LAPTM5: variants seen among roughly 807,000 people sequenced by gnomAD.
LAPTM5 encodes the protein lysosomal protein transmembrane 5, also known as lysosomal-associated transmembrane protein 5.
Under a neutral mutation model 30.1 loss-of-function variants are expected in LAPTM5, and 11 were observed. That is an observed-to-expected ratio of 0.37 (90% CI 0.23 to 0.60). The LOEUF is 0.60. LAPTM5 is among the 20% of genes least tolerant of loss of function. LAPTM5 has a pLI of 0.71. For synonymous variants in LAPTM5, 151 were observed against 137.9 expected (o/e 1.10, Z -0.67); for missense variants, 324 against 332.5 (o/e 0.97, Z 0.20).
At chr1:30,753,422 T>C (rs746437333) in intron 1 of LAPTM5, among the ~76,000 whole-genome samples, 1 of 152,094 alleles carries the variant, frequency 6.6e-6, no homozygotes, top group South Asian at 2.1e-4. Flanking sequence ...GGGCTCAAAG[T>C]CACCAGCAAC....
chr1:30,754,544 A>AAAAAC (rs1163001488), intron 1 of LAPTM5, among the ~76,000 whole-genome samples: 1 of 152,306 alleles, frequency 6.6e-6, no homozygotes, highest in African/African-American at 2.4e-5. Flanking sequence ...TCTTAAAAAC[A>AAAAAC]AAAACAAAAC....
chr1:30,753,009 T>C (rs1020453749), intron 1 of LAPTM5, among the ~76,000 whole-genome samples: 1 of 151,890 alleles, frequency 6.6e-6, no homozygotes. Flanking sequence ...GGTTTTGTCC[T>C]GACCTCAAGT....
In LAPTM5 at chr1:30,742,953, G is replaced by A. The variant is rs138681301; in HGVS notation, c.88-404C>T. Among the ~76,000 whole-genome samples the A allele has an allele frequency of 6.2e-4, 94 of 152,244 alleles. 1 individual carries two copies. The highest frequency in any genetic ancestry group is 9.2e-4 in the Admixed American group (14 of 15,298). Reference sequence around the variant, plus strand: ...AAGGTCAGGCTTAAAGAGGTGGGGTGGGGGGTAGAAGCTGAAGGCCCCTCC... The same window carrying A: ...AAGGTCAGGCTTAAAGAGGTGGGGTAGGGGGTAGAAGCTGAAGGCCCCTCC... On this transcript the variant is annotated intron_variant, in intron 1 of 7. Coordinates refer to ENST00000294507, the MANE Select transcript of LAPTM5 (RefSeq NM_006762.3).
Position 30,742,547 on chromosome 1 carries a change from G to A in LAPTM5, c.90C>T (p.Ile30=), listed in dbSNP as rs1222744108. Residue 30 remains isoleucine (I), a splice_region_variant and synonymous_variant, in exon 2 of 8, where the codon ATC becomes ATT. Transcript: ENST00000294507. ...GCTCGATGAACAACAAGACGCTCAT[G>A]ATCTGGAGGCAAAGCAAAGCATCAG... ...ATTALAIYHV[I]MSVLLFIEHS... The A allele has an allele frequency of 1.2e-6, 2 of 1,612,586 alleles. No individual in the cohort carries two copies. Among genetic ancestry groups the A allele is most frequent in the East Asian group, 2.2e-5 (1 of 44,880 alleles).
chr1:30,733,941 G>T, intron 7 of LAPTM5, 24 bp from the exon 8 acceptor site: 1 of 1,605,442 alleles, frequency 6.2e-7, no homozygotes, highest in Non-Finnish European at 8.5e-7. Flanking sequence ...AGAGATGAGG[G>T]CTGAGTATGG....
rs1476344063 is a variant in LAPTM5, at chr1:30,757,656, C to T, written c.87+3G>A. ...CACACACACCCGGGGCCCGCACACT[C>T]ACCACATGGTAGATGGCCAGGGCGG... On this transcript the variant is annotated splice_donor_region_variant and intron_variant, in intron 1 of 7. Transcript: ENST00000294507. 6.2e-7 allele frequency: 1 copy of T among 1,613,382 alleles called. No homozygotes were observed. The highest frequency in any genetic ancestry group is 8.5e-7 in the Non-Finnish European group (1 of 1,179,966).
In LAPTM5 at chr1:30,757,720, C is replaced by T. The variant is rs144278297; in HGVS notation, c.26G>A (p.Arg9His). Residue 9 changes from arginine (R) to histidine (H), a missense_variant, in exon 1 of 8, where the codon CGC becomes CAC. Transcript: ENST00000294507. The stretch of plus-strand genomic sequence containing the variant: ...GACATTGAAGCAGCAGCAGGTCTGG[C>T]GGACAGTGGACAAGCGGGGGTCCAT... The part of the protein sequence containing the change: MDPRLSTV[R>H]QTCCCFNVRI... 632 of 1,613,742 alleles carry T rather than the reference C, an allele frequency of 3.9e-4. 7 individuals carry two copies. The South Asian group carries it at 6.6e-3, about 17-fold the overall frequency.
chr1:30,740,807 G>A (rs571652899), intron 3 of LAPTM5, among the ~76,000 whole-genome samples: 54 of 152,340 alleles, frequency 3.5e-4, no homozygotes, highest in African/African-American at 1.2e-3. Context: ...GACAGAGTGA[G>A]TGTTAGCAAG....
intron 1 of LAPTM5, among the ~76,000 whole-genome samples, chr1:30,749,971 T>C (rs1195733960): frequency 2.0e-5 from 3 of 151,928 alleles, no homozygotes; most frequent in Admixed American, 2.0e-4. Context: ...ATGCAGGAGA[T>C]GTGACGGCTC....
intron 1 of LAPTM5, among the ~76,000 whole-genome samples, chr1:30,753,152 C>T (rs188056508): frequency 6.6e-6 from 1 of 151,778 alleles, no homozygotes; most frequent in Admixed American, 6.6e-5. Context: ...TGGATTATAA[C>T]CCAAAGCATA....
In LAPTM5 at chr1:30,739,752, C is replaced by A; in HGVS notation, c.387+57G>T. The A allele has an allele frequency of 6.6e-7, 1 of 1,512,804 alleles. No homozygotes were observed. Among genetic ancestry groups the A allele is most frequent in the Admixed American group, 2.2e-5 (1 of 45,588 alleles). The allele number at this position is 1,512,804 out of a possible 1,614,324, so 93.7% of individuals were successfully genotyped here. On this transcript the variant is annotated intron_variant, in intron 4 of 7. Coordinates refer to ENST00000294507, the MANE Select transcript of LAPTM5 (RefSeq NM_006762.3). This position sits in a 1 kb window ranked among gnomAD's most constrained non-coding sequence, Gnocchi z 4.2. ...GGGCCCGTGTCTGGTCCCCTCCCAT[C>A]TCCCATGCCAGACCTGGGCTCTGCT...
At chr1:30,745,637 A>G (rs946489513) in intron 1 of LAPTM5, among the ~76,000 whole-genome samples, 1 of 152,234 alleles carries the variant, frequency 6.6e-6, no homozygotes, top group Non-Finnish European at 1.5e-5. Context: ...CCACAGTCAC[A>G]GAGCGAGGCA....
At chr1:30,740,996 C>T (rs1639962804) in intron 3 of LAPTM5, among the ~76,000 whole-genome samples, 1 of 152,184 alleles carries the variant, frequency 6.6e-6, no homozygotes, top group Non-Finnish European at 1.5e-5. Flanking sequence ...TTCTGGGGAC[C>T]CAGGGACCGC....
Position 30,739,044 on chromosome 1 carries a change from G to A in LAPTM5, c.406C>T (p.Leu136=). The change falls in exon 5 of 8, where the codon CTG becomes TTG. Residue 136 remains leucine (L), a synonymous_variant. Transcript: ENST00000294507. This position sits in a 1 kb window ranked among gnomAD's most constrained non-coding sequence, Gnocchi z 4.2. The part of the protein sequence containing the change: ...RSRASSSKFP[L]MTLQLLDFCL... ...AAGTCCAGCAGCTGCAGCGTCATCA[G>A]GGGGAACTTGGAGGAGCTCTGGGGA... is the stretch of plus-strand genomic sequence containing the variant. 1 of 1,598,478 alleles carries A rather than the reference G, an allele frequency of 6.3e-7. No homozygotes were observed.
chr1:30,751,523 G>A (rs1265283678), intron 1 of LAPTM5, among the ~76,000 whole-genome samples: 4 of 152,224 alleles, frequency 2.6e-5, no homozygotes, highest in Admixed American at 6.5e-5. Flanking sequence ...TGGATCACTT[G>A]AGGTCAGGAG....
rs144879372 is a variant in LAPTM5, at chr1:30,741,621, G to A, written c.258+19C>T. The A allele has an allele frequency of 1.9e-3, 2,936 of 1,568,856 alleles. 50 individuals are homozygous for A. In the East Asian group the frequency reaches 0.034, roughly 18 times the overall value. On this transcript the variant is annotated intron_variant, in intron 3 of 7. Transcript: ENST00000294507. ...ATAACAGGAAGGGGCAGGGGGCAGCGGGGCTCCTGAGCCCTCACCTTGACT... is the reference window on the plus strand; with the variant it reads ...ATAACAGGAAGGGGCAGGGGGCAGCAGGGCTCCTGAGCCCTCACCTTGACT...
chr1:30,754,948 C>T (rs1042411316), intron 1 of LAPTM5, among the ~76,000 whole-genome samples: 30 of 152,340 alleles, frequency 2.0e-4, no homozygotes, highest in African/African-American at 7.0e-4. Context: ...CATCCAGATG[C>T]TCAAGGTCCT....
At position 30,733,831 on chromosome 1, in the gene LAPTM5, C is replaced by T; in HGVS notation, c.786G>A (p.Val262=). Residue 262 remains valine, a synonymous_variant, in exon 8 of 8, where the codon GTG becomes GTA. Transcript: ENST00000294507. ...TGGGGCTGGGGCCTGGCGAGGGTCA[C>T]ACCTCTGAGTATGGGGGTGGTGCTG... The part of the protein sequence containing the change: ...GGPAPPPYSE[V] The T allele has an allele frequency of 6.2e-7, 1 of 1,604,034 alleles. No homozygotes were observed. Among genetic ancestry groups the T allele is most frequent in the Non-Finnish European group, 8.5e-7 (1 of 1,177,410 alleles).
intron 6 of LAPTM5, among the ~76,000 whole-genome samples, chr1:30,735,963 G>A (rs1557459841): frequency 6.6e-6 from 1 of 152,132 alleles, no homozygotes; most frequent in East Asian, 1.9e-4. Context: ...AAGCATGAAG[G>A]CCCAGGGAAA....
Sources: gnomAD v4.1 joint callset for allele counts (sites outside exome capture counted in the v4.1 genomes callset) on GRCh38, gnomAD v4.1.1 for gene constraint, Gnocchi (gnomAD v3.1) non-coding constraint, MANE v1.5 for transcripts, NCBI Gene and HGNC (gene_info 2026-07-23, HGNC 2026-07-21) for gene names.